SLC8A1: variants seen among roughly 807,000 people sequenced by gnomAD.
SLC8A1 encodes sodium/calcium exchanger 1.
A neutral mutation model predicts 68.3 loss-of-function variants in SLC8A1; 18 were observed. The ratio of observed to expected loss-of-function variants is 0.26; its 90% CI spans 0.18 to 0.39. The LOEUF (loss-of-function observed/expected upper bound fraction) is 0.39. Among genes scored for constraint, SLC8A1 ranks in the 10% least tolerant of loss-of-function variants. The pLI is 1.00. For missense variants in SLC8A1, 985 were observed against 1,156.7 expected (o/e 0.85, Z 2.15); for synonymous variants, 475 against 415.5 (o/e 1.14, Z -1.74).
At chr2:40,281,366 C>T (rs1397457185) in intron 2 of SLC8A1, among the ~76,000 whole-genome samples, 1 of 151,922 alleles carries the variant, frequency 6.6e-6, no homozygotes, top group Non-Finnish European at 1.5e-5. Context: ...GCAATAAGAA[C>T]AAAAAAAGCA....
chr2:40,247,182 G>A (rs532678051), intron 2 of SLC8A1, among the ~76,000 whole-genome samples: 15 of 152,046 alleles, frequency 9.9e-5, no homozygotes, highest in Non-Finnish European at 1.3e-4. Context: ...TTGAGCCTTG[G>A]TGAGTTTTCC....
intron 1 of SLC8A1, among the ~76,000 whole-genome samples, chr2:40,509,895 C>G (rs967747507): frequency 7.2e-5 from 11 of 151,962 alleles, no homozygotes; most frequent in Admixed American, 4.6e-4. Flanking sequence ...AAAGCAATCT[C>G]TGCCTCCCAG....
At chr2:40,310,988 AT>A (rs1443523024) in intron 2 of SLC8A1, among the ~76,000 whole-genome samples, 12 of 152,146 alleles carry the variant, frequency 7.9e-5, no homozygotes, top group Admixed American at 7.9e-4. Flanking sequence ...GTTCCTTTAC[AT>A]TTTAAATAAA....
At chr2:40,099,273 T>C (rs1056238670) in exon 8 of SLC8A1, 1 of 152,042 alleles carries the variant, frequency 6.6e-6, no homozygotes, top group African/African-American at 2.4e-5. Flanking sequence ...ATGAGTAATA[T>C]ATGATGCATA....
chr2:40,247,125 A>G (rs1294328015), intron 2 of SLC8A1, among the ~76,000 whole-genome samples: 4 of 152,202 alleles, frequency 2.6e-5, no homozygotes, highest in Admixed American at 6.5e-5. Flanking sequence ...CCTGGGCAGA[A>G]GCAAGGAGTT....
chr2:40,238,631 C>A (rs117915882), intron 2 of SLC8A1, among the ~76,000 whole-genome samples: 2 of 152,152 alleles, frequency 1.3e-5, no homozygotes, highest in South Asian at 2.1e-4. Context: ...GCTCCTCGAT[C>A]GTCTTCTGTT....
At chr2:40,147,879 C>T (rs539013288) in intron 6 of SLC8A1, among the ~76,000 whole-genome samples, 2 of 152,232 alleles carry the variant, frequency 1.3e-5, no homozygotes, top group South Asian at 2.1e-4. Flanking sequence ...AAGTGTACAT[C>T]CCACTTAGTC....
At chr2:40,393,904 G>A (rs1686074527) in intron 2 of SLC8A1, among the ~76,000 whole-genome samples, 1 of 152,064 alleles carries the variant, frequency 6.6e-6, no homozygotes, top group Non-Finnish European at 1.5e-5. Context: ...ATGGCAATGG[G>A]TTATTTCAAA....
intron 2 of SLC8A1, among the ~76,000 whole-genome samples, chr2:40,369,358 T>TCATA (rs1677266990): frequency 6.6e-6 from 1 of 152,126 alleles, no homozygotes; most frequent in African/African-American, 2.4e-5. Flanking sequence ...AACCTCAGTG[T>TCATA]TCAGGGATAT....
intron 1 of SLC8A1, among the ~76,000 whole-genome samples, chr2:40,472,941 G>T (rs1196223257): frequency 2.0e-5 from 3 of 152,038 alleles, no homozygotes; most frequent in African/African-American, 4.8e-5. Flanking sequence ...CAAGTTTAAG[G>T]TGAGTTACAA....
exon 8 of SLC8A1, chr2:40,113,726 A>AG (rs2034868291): frequency 1.3e-5 from 2 of 152,726 alleles, no homozygotes; most frequent in Non-Finnish European, 2.9e-5. Flanking sequence ...AATACTTTGC[A>AG]GGGAGGGGTG....
At chr2:40,124,493 A>G (rs1478625176) in intron 7 of SLC8A1, among the ~76,000 whole-genome samples, 2 of 152,230 alleles carry the variant, frequency 1.3e-5, no homozygotes, top group East Asian at 1.9e-4. Context: ...ATGGGTTCTG[A>G]AAGTTTCCAA....
chr2:40,307,938 C>T (rs1224206620), intron 2 of SLC8A1, among the ~76,000 whole-genome samples: 1 of 151,846 alleles, frequency 6.6e-6, no homozygotes, highest in African/African-American at 2.4e-5. Context: ...AGTTCTGCAT[C>T]ATGAAGAGCA....
intron 2 of SLC8A1, among the ~76,000 whole-genome samples, chr2:40,380,923 G>T (rs1360771221): frequency 6.6e-6 from 1 of 151,998 alleles, no homozygotes; most frequent in Non-Finnish European, 1.5e-5. Flanking sequence ...AAAATGTCTG[G>T]CTTTCTGTGA....
At chr2:40,130,777 T>G (rs2039162277) in intron 7 of SLC8A1, among the ~76,000 whole-genome samples, 1 of 152,220 alleles carries the variant, frequency 6.6e-6, no homozygotes, top group African/African-American at 2.4e-5. Context: ...GTATGCACAC[T>G]GTCACAATGG....
At position 40,196,710 on chromosome 2, in the gene SLC8A1, A is replaced by C. The variant is rs565625952; in HGVS notation, c.1809-18855T>G. ...GCAAATATCATTAAGGGCCTTAAAA[A>C]ATAACCCTTTTCTTTCATTATCTGT... On this transcript the variant is annotated intron_variant, in intron 2 of 7. Coordinates refer to ENST00000406785, the Ensembl canonical transcript of SLC8A1. Among the ~76,000 whole-genome samples, 31 of 152,132 alleles carry C rather than the reference A, an allele frequency of 2.0e-4. No homozygotes were observed. The East Asian group carries it at 6.0e-3, about 29-fold the overall frequency.
chr2:40,284,333 A>C (rs2067951267), intron 2 of SLC8A1, among the ~76,000 whole-genome samples: 1 of 143,602 alleles, frequency 7.0e-6, no homozygotes, highest in Non-Finnish European at 1.5e-5. Flanking sequence ...ATATATATAG[A>C]TCTCTCTATA....
chr2:40,440,924 G>A (rs1403832285), intron 1 of SLC8A1, among the ~76,000 whole-genome samples: 1 of 152,088 alleles, frequency 6.6e-6, no homozygotes, highest in Non-Finnish European at 1.5e-5. Context: ...GGAAGTTCTG[G>A]CCAGGGCATT....
chr2:40,279,501 T>G (rs1332405147), intron 2 of SLC8A1, among the ~76,000 whole-genome samples: 1 of 152,162 alleles, frequency 6.6e-6, no homozygotes, highest in African/African-American at 2.4e-5. Context: ...CACTGTGACA[T>G]CTGAAACATA....
Sources: allele counts gnomAD v4.1 joint callset (sites outside exome capture counted in the v4.1 genomes callset), GRCh38; gene constraint gnomAD v4.1.1; transcripts MANE v1.5; gene names NCBI Gene and HGNC (gene_info 2026-07-23, HGNC 2026-07-21).